The following SGCZ variants were observed in gnomAD, a reference collection of about 807,000 sequenced individuals.
SGCZ encodes the protein sarcoglycan zeta, also known as zeta-sarcoglycan.
SGCZ carries 40 observed loss-of-function variants against 41.3 expected under a neutral mutation model. The observed-to-expected ratio is 0.97, with a 90% confidence interval of 0.75 to 1.26. The LOEUF is 1.26. Among genes scored for constraint, SGCZ ranks in the 50% most tolerant of loss-of-function variants. SGCZ has a pLI of 0.00. For synonymous variants in SGCZ, 206 were observed against 137.5 expected (o/e 1.50, Z -3.49); for missense variants, 552 against 369.8 (o/e 1.49, Z -4.04).
At chr8:14,519,913 G>A (rs1229966170) in intron 2 of SGCZ, among the ~76,000 whole-genome samples, 5 of 151,948 alleles carry the variant, frequency 3.3e-5, no homozygotes, top group East Asian at 1.9e-4. Context: ...TGGTTATGTC[G>A]TATCTCAATT....
intron 1 of SGCZ, among the ~76,000 whole-genome samples, chr8:15,131,811 A>C (rs1251286674): frequency 6.6e-6 from 1 of 152,202 alleles, no homozygotes; most frequent in Non-Finnish European, 1.5e-5. Flanking sequence ...TGGCTAAAAA[A>C]ACATCTTGAG....
At chr8:14,143,423 G>C (rs367598708) in intron 5 of SGCZ, among the ~76,000 whole-genome samples, 4 of 152,124 alleles carry the variant, frequency 2.6e-5, no homozygotes, top group East Asian at 3.8e-4. Flanking sequence ...AAAATCCCAA[G>C]GAATGTGAAA....
chr8:14,090,356 G>T lies in SGCZ; in HGVS notation c.*87C>A. 7.0e-7 allele frequency: 1 copy of T among 1,430,066 alleles called. No individual in the cohort carries two copies. The highest frequency in any genetic ancestry group is 9.5e-7 in the Non-Finnish European group (1 of 1,054,876). The allele number at this position is 1,430,066 out of a possible 1,614,324, so 88.6% of individuals were successfully genotyped here. The stretch of plus-strand genomic sequence containing the variant: ...CTGTGGACCATTCGAAGAAGCTCTG[G>T]ACTGATCACAAGGGAAACCGAGCAG... On this transcript the variant is annotated 3_prime_UTR_variant, in exon 8 of 8. Transcript: ENST00000382080.
At chr8:14,718,380 A>G (rs1237829012) in intron 1 of SGCZ, among the ~76,000 whole-genome samples, 3 of 151,940 alleles carry the variant, frequency 2.0e-5, no homozygotes, top group Non-Finnish European at 4.4e-5. Context: ...AATGTCACTA[A>G]AAAAAAGAGA....
intron 2 of SGCZ, among the ~76,000 whole-genome samples, chr8:14,437,103 T>C (rs1212486224): frequency 3.9e-5 from 6 of 152,176 alleles, no homozygotes; most frequent in Non-Finnish European, 5.9e-5. Context: ...TATTATAAAA[T>C]AGAATTTGTC....
intron 1 of SGCZ, among the ~76,000 whole-genome samples, chr8:15,114,639 T>G (rs1363396541): frequency 6.6e-6 from 1 of 152,180 alleles, no homozygotes; most frequent in East Asian, 1.9e-4. Context: ...AACTGGCTCT[T>G]GAAGGCAGAA....
intron 5 of SGCZ, among the ~76,000 whole-genome samples, chr8:14,158,483 G>A (rs929225780): frequency 4.6e-5 from 7 of 151,924 alleles, no homozygotes; most frequent in Admixed American, 6.6e-5. Flanking sequence ...CCAGTCCACC[G>A]ACTCAAATGT....
intron 2 of SGCZ, among the ~76,000 whole-genome samples, chr8:14,407,907 T>G (rs954043144): frequency 2.0e-5 from 3 of 152,174 alleles, no homozygotes; most frequent in African/African-American, 7.2e-5. Context: ...AGGAACCTCT[T>G]GAGTCTCACG....
chr8:14,232,665 A>G (rs1806614344), intron 4 of SGCZ, among the ~76,000 whole-genome samples: 1 of 152,000 alleles, frequency 6.6e-6, no homozygotes, highest in Admixed American at 6.6e-5. Flanking sequence ...GGTTAGTTAC[A>G]TATGTATACA....
chr8:14,498,802 T>C (rs777212988), intron 2 of SGCZ, among the ~76,000 whole-genome samples: 1 of 152,076 alleles, frequency 6.6e-6, no homozygotes, highest in Non-Finnish European at 1.5e-5. Flanking sequence ...AATCTCCATA[T>C]TATTGTTTAA....
intron 1 of SGCZ, among the ~76,000 whole-genome samples, chr8:14,576,414 A>C (rs966379452): frequency 1.3e-5 from 2 of 152,204 alleles, no homozygotes; most frequent in Non-Finnish European, 2.9e-5. Context: ...TCTGAATAAC[A>C]AGAGGAGCCA....
intron 5 of SGCZ, among the ~76,000 whole-genome samples, chr8:14,125,559 G>A (rs999241627): frequency 6.7e-6 from 1 of 149,558 alleles, no homozygotes; most frequent in African/African-American, 2.5e-5. Flanking sequence ...ACTGCCCAAA[G>A]TAATTTACAG....
chr8:14,592,671 C>G (rs553895097), intron 1 of SGCZ, among the ~76,000 whole-genome samples: 1 of 152,070 alleles, frequency 6.6e-6, no homozygotes, highest in South Asian at 2.1e-4. Context: ...AATAAAATTT[C>G]TTTTACCAAT....
intron 1 of SGCZ, among the ~76,000 whole-genome samples, chr8:14,895,805 A>G (rs2130750513): frequency 6.6e-6 from 1 of 152,342 alleles, no homozygotes; most frequent in South Asian, 2.1e-4. Flanking sequence ...ATAGCCTAAG[A>G]AGCTTTTTAA....
intron 1 of SGCZ, among the ~76,000 whole-genome samples, chr8:14,735,677 A>G (rs1043848178): frequency 6.6e-6 from 1 of 152,146 alleles, no homozygotes; most frequent in East Asian, 1.9e-4. Flanking sequence ...CTGTGAGTCA[A>G]TTCTCCTTAA....
At chr8:14,626,896 G>T (rs909790538) in intron 1 of SGCZ, among the ~76,000 whole-genome samples, 8 of 151,984 alleles carry the variant, frequency 5.3e-5, no homozygotes, top group African/African-American at 1.2e-4. Context: ...CTAATAAACT[G>T]GCTCATATTT....
intron 2 of SGCZ, among the ~76,000 whole-genome samples, chr8:14,423,303 A>C (rs1441704466): frequency 1.3e-5 from 2 of 149,102 alleles, no homozygotes; most frequent in African/African-American, 4.9e-5. Context: ...CCTAAAACTT[A>C]AAGTATAATA....
chr8:14,977,188 G>A (rs9650382), intron 1 of SGCZ, among the ~76,000 whole-genome samples: 73,616 of 151,658 alleles, frequency 0.49, 18,069 homozygotes, highest in African/African-American at 0.52. Flanking sequence ...GAAGGAACTC[G>A]TTGAGGGAAG....
chr8:14,596,497 AAAT>A (rs1805417845), intron 1 of SGCZ, among the ~76,000 whole-genome samples: 3 of 152,350 alleles, frequency 2.0e-5, no homozygotes, highest in East Asian at 3.9e-4. Flanking sequence ...CATATGGTTT[AAAT>A]AATAATAAAA....
Sources: gnomAD v4.1 joint callset for allele counts (sites outside exome capture counted in the v4.1 genomes callset) on GRCh38, gnomAD v4.1.1 for gene constraint, MANE v1.5 for transcripts, NCBI Gene and HGNC (gene_info 2026-07-23, HGNC 2026-07-21) for gene names.